Variants in NLGN1 observed in about 807,000 individuals in gnomAD.
The protein encoded by NLGN1 is neuroligin-1.
Under a neutral mutation model 65.5 loss-of-function variants are expected in NLGN1, and 12 were observed. That is an observed-to-expected ratio of 0.18 (90% CI 0.12 to 0.30). NLGN1 has a LOEUF of 0.30. Ranked by LOEUF, NLGN1 falls within the 10% of genes least tolerant of loss-of-function variation. NLGN1 has a pLI of 1.00. For synonymous variants in NLGN1, 350 were observed against 359.5 expected (o/e 0.97, Z 0.30); for missense variants, 750 against 1,007.1 (o/e 0.74, Z 3.46).
At chr3:174,184,268 G>A (rs1313574232) in intron 4 of NLGN1, among the ~76,000 whole-genome samples, 1 of 151,646 alleles carries the variant, frequency 6.6e-6, no homozygotes, top group African/African-American at 2.4e-5. Flanking sequence ...AAAGAAACTT[G>A]GCAATGAGTA....
At chr3:173,899,557 G>T (rs939480183) in intron 4 of NLGN1, among the ~76,000 whole-genome samples, 1 of 152,048 alleles carries the variant, frequency 6.6e-6, no homozygotes, top group Admixed American at 6.6e-5. Context: ...AGTTAAGAAT[G>T]ATTTTTATAC....
chr3:173,429,559 A>G (rs888058653), intron 1 of NLGN1, among the ~76,000 whole-genome samples: 1 of 152,026 alleles, frequency 6.6e-6, no homozygotes, highest in African/African-American at 2.4e-5. Flanking sequence ...TTATGGATGT[A>G]TGTCTATGTC....
chr3:173,948,652 T>A (rs945043678), intron 4 of NLGN1, among the ~76,000 whole-genome samples: 8 of 152,144 alleles, frequency 5.3e-5, no homozygotes, highest in Admixed American at 3.9e-4. Context: ...ATCTATGCCA[T>A]AGTAACAGGA....
chr3:174,084,432 G>T (rs1742867316), intron 4 of NLGN1, among the ~76,000 whole-genome samples: 1 of 152,038 alleles, frequency 6.6e-6, no homozygotes, highest in Non-Finnish European at 1.5e-5. Flanking sequence ...AAAAAAATAA[G>T]ACTTTCTGCT....
chr3:173,417,071 T>C (rs897773044), intron 1 of NLGN1, among the ~76,000 whole-genome samples: 30 of 152,202 alleles, frequency 2.0e-4, no homozygotes, highest in African/African-American at 7.2e-4. Context: ...AATCCATTAC[T>C]TGGAATTAAT....
At chr3:173,459,600 G>A (rs1482771586) in intron 2 of NLGN1, among the ~76,000 whole-genome samples, 1 of 152,050 alleles carries the variant, frequency 6.6e-6, no homozygotes, top group African/African-American at 2.4e-5. Context: ...AGAAACCATG[G>A]AAGTTTTTTC....
At chr3:173,613,972 T>C (rs1752675708) in intron 3 of NLGN1, among the ~76,000 whole-genome samples, 1 of 151,548 alleles carries the variant, frequency 6.6e-6, no homozygotes, top group Non-Finnish European at 1.5e-5. Context: ...CACTTTCCTT[T>C]TCTTCTTCTT....
chr3:174,264,994 C>G (rs976479603), intron 4 of NLGN1, among the ~76,000 whole-genome samples: 1 of 152,128 alleles, frequency 6.6e-6, no homozygotes, highest in Non-Finnish European at 1.5e-5. Flanking sequence ...TTAGGCTGCT[C>G]GGGGGTCAGG....
At chr3:173,462,562 C>T (rs759033039) in intron 2 of NLGN1, among the ~76,000 whole-genome samples, 59 of 152,266 alleles carry the variant, frequency 3.9e-4, no homozygotes, top group Non-Finnish European at 7.2e-4. Flanking sequence ...CTCCCTGACT[C>T]CACCACCTTC....
chr3:173,526,276 T>C (rs970283656), intron 2 of NLGN1, among the ~76,000 whole-genome samples: 29 of 152,224 alleles, frequency 1.9e-4, no homozygotes, highest in Middle Eastern at 3.4e-3. Flanking sequence ...ATATTTATAG[T>C]TAAATCTTGT....
chr3:173,452,654 C>T (rs942152034), intron 2 of NLGN1, among the ~76,000 whole-genome samples: 2 of 152,164 alleles, frequency 1.3e-5, no homozygotes, highest in Non-Finnish European at 2.9e-5. Context: ...AGAGACAGAA[C>T]ATAAACTCAT....
At chr3:174,269,972 T>C (rs1029353912) in intron 4 of NLGN1, among the ~76,000 whole-genome samples, 1 of 151,844 alleles carries the variant, frequency 6.6e-6, no homozygotes, top group Non-Finnish European at 1.5e-5. Context: ...ATCATCTCTT[T>C]GAAGAAATAT....
intron 4 of NLGN1, among the ~76,000 whole-genome samples, chr3:174,203,359 A>G (rs9848355): frequency 0.22 from 34,019 of 152,208 alleles, 4,291 homozygotes; most frequent in African/African-American, 0.34. Flanking sequence ...GCACAGAGGA[A>G]GTATTCATTC....
At chr3:173,953,453 G>A (rs1382656544) in intron 4 of NLGN1, among the ~76,000 whole-genome samples, 1 of 152,146 alleles carries the variant, frequency 6.6e-6, no homozygotes, top group Non-Finnish European at 1.5e-5. Flanking sequence ...ATCCAACTGG[G>A]CACTAAACTA....
At chr3:174,268,976 A>C (rs945082335) in intron 4 of NLGN1, among the ~76,000 whole-genome samples, 1 of 151,734 alleles carries the variant, frequency 6.6e-6, no homozygotes, top group Non-Finnish European at 1.5e-5. Flanking sequence ...TTTTTTTCCA[A>C]AGGATACACA....
intron 4 of NLGN1, among the ~76,000 whole-genome samples, chr3:173,894,172 C>T (rs1203372548): frequency 6.6e-6 from 1 of 152,054 alleles, no homozygotes; most frequent in Non-Finnish European, 1.5e-5. Context: ...ATTATAATAG[C>T]ACTTATCACA....
chr3:173,937,817 G>A (rs1745317891), intron 4 of NLGN1, among the ~76,000 whole-genome samples: 1 of 152,052 alleles, frequency 6.6e-6, no homozygotes, highest in African/African-American at 2.4e-5. Flanking sequence ...AAAAATGCAA[G>A]GCAATTTCTC....
intron 4 of NLGN1, among the ~76,000 whole-genome samples, chr3:174,220,698 T>A (rs1738483421): frequency 7.4e-6 from 1 of 135,164 alleles, no homozygotes; most frequent in Non-Finnish European, 1.6e-5. Flanking sequence ...ATTTTTTGAA[T>A]CCTAACATAA....
chr3:173,581,655 A>G (rs1405895544), intron 2 of NLGN1, among the ~76,000 whole-genome samples: 1 of 151,978 alleles, frequency 6.6e-6, no homozygotes, highest in Non-Finnish European at 1.5e-5. Flanking sequence ...GCACCATTCC[A>G]TTTACACTTC....
Sources: gnomAD v4.1 joint callset for allele counts (sites outside exome capture counted in the v4.1 genomes callset) on GRCh38, gnomAD v4.1.1 for gene constraint, MANE v1.5 for transcripts, NCBI Gene and HGNC (gene_info 2026-07-23, HGNC 2026-07-21) for gene names.